The following MRRF variants were observed in gnomAD, a reference collection of about 807,000 sequenced individuals.
MRRF encodes ribosome-recycling factor, mitochondrial.
In MRRF, 18 loss-of-function variants were observed where a neutral mutation model predicts 25.1. The observed-to-expected ratio is 0.72, with a 90% CI of 0.50 to 1.06. MRRF has a LOEUF of 1.06. MRRF is among the 50% of genes least tolerant of loss of function. The pLI, the probability that MRRF is intolerant of heterozygous loss-of-function variation, is 0.00. For synonymous variants in MRRF, 113 were observed against 112.1 expected, an observed-to-expected ratio of 1.01 and a Z score of -0.05; for missense variants, 323 against 319.3, an observed-to-expected ratio of 1.01 and a Z score of -0.09.
Position 122,313,326 on chromosome 9 carries a change from C to G in MRRF, c.651C>G (p.Asn217Lys). The change falls in exon 6 of 7, where the codon AAC becomes AAG. Residue 217 changes from asparagine (N) to lysine (K), a missense_variant. By Grantham distance (94) the Asn-to-Lys change is moderately conservative. Transcript: ENST00000344641. ...GGAAGGTTCGCACCAACTCAATGAA[C>G]AAGCTGAAGAAATCCAAGGATACAG... ...SLRKVRTNSM[N>K]KLKKSKDTVS... 6.2e-7 allele frequency: 1 copy of G among 1,614,114 alleles called. No individual in the cohort carries two copies. The highest frequency in any genetic ancestry group is 1.1e-5 in the South Asian group (1 of 91,080).
rs1835322556 is a variant in MRRF at position 122,313,406 on chromosome 9, A to G, written c.711+20A>G. ...AAACAGGTACTATTGCCAGCAATGT[A>G]GTAGTGTCTGTGTATTCAGCATAAG... On this transcript the variant is annotated intron_variant, in intron 6 of 6. Transcript: ENST00000344641. The G allele has an allele frequency of 6.2e-7, 1 of 1,612,626 alleles. No homozygotes were observed. The highest frequency in any genetic ancestry group is 8.5e-7 in the Non-Finnish European group (1 of 1,178,650).
At chr9:122,273,257 C>G (rs977311743) in intron 2 of MRRF, among the ~76,000 whole-genome samples, 2 of 152,022 alleles carry the variant, frequency 1.3e-5, no homozygotes, top group African/African-American at 4.8e-5. Flanking sequence ...TTCCGACCAG[C>G]CTGGGCAACA....
intron 6 of MRRF, among the ~76,000 whole-genome samples, chr9:122,315,785 C>T (rs1417594202): frequency 6.6e-6 from 1 of 152,030 alleles, no homozygotes; most frequent in African/African-American, 2.4e-5. Flanking sequence ...GCCTGCCAGG[C>T]ACTAGTCACT....
chr9:122,291,471 T>G (rs1833764772), intron 4 of MRRF, among the ~76,000 whole-genome samples: 1 of 152,210 alleles, frequency 6.6e-6, no homozygotes, highest in Non-Finnish European at 1.5e-5. Context: ...CTGTGTTGCC[T>G]CAAACCATTG....
chr9:122,291,880 G>A (rs1340365784), intron 5 of MRRF, 40 bp downstream of exon 5: 1 of 1,452,934 alleles, frequency 6.9e-7, no homozygotes, highest in East Asian at 2.3e-5. Context: ...ATGAAACGGG[G>A]TGGTTGTCCT....
chr9:122,285,336 A>T (rs75969167), intron 4 of MRRF, 49 bp downstream of exon 4: 1 of 1,088,568 alleles, frequency 9.2e-7, no homozygotes, highest in Non-Finnish European at 1.4e-6. Flanking sequence ...TTTGGAATGG[A>T]GGAGACTGGG....
In MRRF at chr9:122,278,084, C is replaced by T. The variant is rs373167383; in HGVS notation, c.185-2359C>T. Among the ~76,000 whole-genome samples the T allele has an allele frequency of 1.0e-3, 156 of 151,986 alleles. 1 individual carries two copies. In the South Asian group the frequency reaches 0.013, roughly 12 times the overall value. On this transcript the variant is annotated intron_variant, in intron 2 of 6. Coordinates refer to ENST00000344641, the MANE Select transcript of MRRF (RefSeq NM_138777.5). ...GTTCTTTTAGCTGTGTTGAAATATT[C>T]CTTTTTTTCCTTTTTTCTTCTTCTT... is the stretch of plus-strand genomic sequence containing the variant.
In MRRF at chr9:122,328,854, T is replaced by C. The variant is rs1043262513; in HGVS notation, c.*6237T>C. The C allele has an allele frequency of 6.6e-6, 1 of 151,374 alleles. No individual in the cohort carries two copies. Among genetic ancestry groups the C allele is most frequent in the Admixed American group, 6.6e-5 (1 of 15,218 alleles). 9.4% of individuals were successfully genotyped at this position (151,374 alleles called of 1,614,324 possible). Reference sequence around the variant, plus strand: ...CTGCCTCTTTGTCTCTCTCTCTCTCTCTTTTTTTTTTAATAAGAGATGAGG... The same window carrying C: ...CTGCCTCTTTGTCTCTCTCTCTCTCCCTTTTTTTTTTAATAAGAGATGAGG... On this transcript the variant is annotated 3_prime_UTR_variant, in exon 7 of 7. Coordinates refer to ENST00000344641, the MANE Select transcript of MRRF (RefSeq NM_138777.5).
Position 122,271,111 on chromosome 9 carries a change from T to C in MRRF, c.184+36T>C, listed in dbSNP as rs765260337. 3.8e-6 allele frequency: 6 copies of C among 1,565,128 alleles called. No homozygotes were observed. The African/African-American group carries it at 8.1e-5, about 21-fold the overall frequency. ...GTGACGTTCTCTCCTACTTCACCCC[T>C]TTCTTATAGTTGGCCCTTGAATTAT... On this transcript the variant is annotated intron_variant, in intron 2 of 6. Transcript: ENST00000344641.
intron 2 of MRRF, among the ~76,000 whole-genome samples, chr9:122,273,793 A>G (rs1832611387): frequency 6.6e-6 from 1 of 152,088 alleles, no homozygotes; most frequent in South Asian, 2.1e-4. Flanking sequence ...GTCAGTATGG[A>G]TTTTGTGTCT....
At chr9:122,300,299 C>T (rs1233017728) in intron 5 of MRRF, among the ~76,000 whole-genome samples, 3 of 152,210 alleles carry the variant, frequency 2.0e-5, no homozygotes, top group Non-Finnish European at 4.4e-5. Flanking sequence ...AGCTGTCAGG[C>T]ATCTGTACCC....
intron 4 of MRRF, chr9:122,286,214 C>T (rs914825597): frequency 3.1e-6 from 4 of 1,286,382 alleles, no homozygotes; most frequent in East Asian, 5.5e-5. Flanking sequence ...AGTTGTATTC[C>T]AAAGTCATAG....
chr9:122,308,255 G>C (rs566114849), intron 5 of MRRF, among the ~76,000 whole-genome samples: 2 of 152,178 alleles, frequency 1.3e-5, no homozygotes, highest in Admixed American at 6.5e-5. Flanking sequence ...CTGCCTAAAG[G>C]CTCCTGGTCA....
At chr9:122,287,627 C>G (rs769571437) in intron 4 of MRRF, among the ~76,000 whole-genome samples, 1 of 152,198 alleles carries the variant, frequency 6.6e-6, no homozygotes, top group Non-Finnish European at 1.5e-5. Context: ...GATTGGCCAC[C>G]AGAGCATCTT....
intron 5 of MRRF, among the ~76,000 whole-genome samples, chr9:122,304,312 G>T (rs1834690650): frequency 2.6e-5 from 4 of 152,124 alleles, no homozygotes; most frequent in Admixed American, 2.6e-4. Flanking sequence ...CCAGGCCTGG[G>T]TAAGCCTTCA....
rs558209244 is a variant in MRRF, at chr9:122,324,178, C to G, written c.*1561C>G. The G allele has an allele frequency of 2.0e-5, 3 of 152,326 alleles. No individual in the cohort carries two copies. In the South Asian group the frequency reaches 6.2e-4, roughly 32 times the overall value. 9.4% of individuals were successfully genotyped at this position (152,326 alleles called of 1,614,324 possible). On this transcript the variant is annotated 3_prime_UTR_variant, in exon 7 of 7. Transcript: ENST00000344641. ...CCCAAGACTGCCAACACTTTTGATG[C>G]CAGTCATGAGTCTGGGCCACCCATA...
At chr9:122,322,004 T>G (rs1835918125) in intron 6 of MRRF, among the ~76,000 whole-genome samples, 1 of 152,216 alleles carries the variant, frequency 6.6e-6, no homozygotes, top group South Asian at 2.1e-4. Context: ...TCAGTTTTCC[T>G]ATCTGCAAAA....
intron 5 of MRRF, among the ~76,000 whole-genome samples, chr9:122,292,824 C>G (rs1833860273): frequency 6.6e-6 from 1 of 152,202 alleles, no homozygotes; most frequent in Non-Finnish European, 1.5e-5. Context: ...AGGTGAGACA[C>G]ATCTTCTCCG....
chr9:122,316,139 A>G (rs1835501591), intron 6 of MRRF, among the ~76,000 whole-genome samples: 1 of 152,204 alleles, frequency 6.6e-6, no homozygotes, highest in South Asian at 2.1e-4. Context: ...AATTTATATG[A>G]TACGATATAT....
Sources: gnomAD v4.1 joint callset for allele counts (sites outside exome capture counted in the v4.1 genomes callset) on GRCh38, gnomAD v4.1.1 for gene constraint, MANE v1.5 for transcripts, NCBI Gene and HGNC (gene_info 2026-07-23, HGNC 2026-07-21) for gene names.